Variants in LGR4 observed in about 807,000 individuals in gnomAD.
LGR4 encodes the protein leucine-rich repeat-containing G protein-coupled receptor 4.
In LGR4, 44 loss-of-function variants were observed where a neutral mutation model predicts 84.8. The observed-to-expected ratio is 0.52, with a 90% CI of 0.41 to 0.67. The LOEUF (loss-of-function observed/expected upper bound fraction) is 0.67. Ranked by LOEUF, LGR4 falls within the 30% of genes least tolerant of loss-of-function variation. The pLI is 0.00. For synonymous variants in LGR4, 429 were observed against 434.3 expected, an observed-to-expected ratio of 0.99 and a Z score of 0.15; for missense variants, 1,032 against 1,131.4, an observed-to-expected ratio of 0.91 and a Z score of 1.26.
At chr11:27,399,859 C>G (rs1845483230) in intron 2 of LGR4, among the ~76,000 whole-genome samples, 1 of 152,128 alleles carries the variant, frequency 6.6e-6, no homozygotes, top group South Asian at 2.1e-4. Flanking sequence ...TTCTTAAAGT[C>G]CTGAGCCATA....
At chr11:27,463,277 T>C (rs989322315) in intron 1 of LGR4, among the ~76,000 whole-genome samples, 18 of 151,588 alleles carry the variant, frequency 1.2e-4, no homozygotes, top group African/African-American at 4.1e-4. Flanking sequence ...GGGGAGTTGA[T>C]AGTAACATAA....
chr11:27,450,153 A>C (rs1244719732), intron 1 of LGR4, among the ~76,000 whole-genome samples: 1 of 152,234 alleles, frequency 6.6e-6, no homozygotes, highest in African/African-American at 2.4e-5. Flanking sequence ...AGCAAAATGA[A>C]GCTGTTAATA....
chr11:27,376,506 A>G lies in LGR4; in HGVS notation c.1110-136T>C, dbSNP rs187024619. ...GAAAAATAACATTATAACATTTCTT[A>G]GTTGAGTTTTTTCTAAATTTAAATA... On this transcript the variant is annotated intron_variant, in intron 12 of 17. Transcript: ENST00000379214. 2.2e-3 allele frequency: 1,056 copies of G among 481,964 alleles called. 3 individuals are homozygous for G. Among genetic ancestry groups the G allele is most frequent in the Non-Finnish European group, 3.3e-3 (889 of 270,972 alleles). 29.9% of individuals were successfully genotyped at this position (481,964 alleles called of 1,614,324 possible).
chr11:27,435,124 C>A (rs1864185668), intron 1 of LGR4, among the ~76,000 whole-genome samples: 1 of 152,018 alleles, frequency 6.6e-6, no homozygotes, highest in African/African-American at 2.4e-5. Flanking sequence ...CACTTGAGAT[C>A]AGGCGTTCGA....
At chr11:27,372,428 G>C (rs756171025) in intron 15 of LGR4, 30 bp from the exon 16 acceptor site, 1 of 1,174,314 alleles carries the variant, frequency 8.5e-7, no homozygotes, top group South Asian at 1.2e-5. Context: ...AATCTACACT[G>C]AACAGCAACT....
chr11:27,401,135 T>A (rs1863493929), intron 2 of LGR4, among the ~76,000 whole-genome samples: 1 of 152,222 alleles, frequency 6.6e-6, no homozygotes, highest in Non-Finnish European at 1.5e-5. Flanking sequence ...TTTCATTTGC[T>A]GAGAAGGGAG....
At chr11:27,407,245 T>A (rs1311519404) in intron 2 of LGR4, among the ~76,000 whole-genome samples, 1 of 152,138 alleles carries the variant, frequency 6.6e-6, no homozygotes, top group Non-Finnish European at 1.5e-5. Flanking sequence ...GGGCAGCTGA[T>A]CCCCTTTGAC....
chr11:27,408,711 G>A (rs1454074068), intron 2 of LGR4, among the ~76,000 whole-genome samples: 1 of 152,036 alleles, frequency 6.6e-6, no homozygotes, highest in Non-Finnish European at 1.5e-5. Context: ...ATTGTGAACA[G>A]AAACTCCAAC....
intron 1 of LGR4, among the ~76,000 whole-genome samples, chr11:27,436,933 G>GGATT (rs1864222230): frequency 6.6e-6 from 1 of 151,996 alleles, no homozygotes; most frequent in Admixed American, 6.6e-5. Context: ...GGAGATGGAG[G>GGATT]GATTTGAGGG....
intron 1 of LGR4, among the ~76,000 whole-genome samples, chr11:27,443,138 G>C (rs1448434779): frequency 6.6e-6 from 1 of 152,132 alleles, no homozygotes; most frequent in Non-Finnish European, 1.5e-5. Context: ...CTCAAAAATG[G>C]AAGGCCTAGA....
chr11:27,424,848 G>C (rs1404987364), intron 1 of LGR4, among the ~76,000 whole-genome samples: 1 of 152,110 alleles, frequency 6.6e-6, no homozygotes, highest in Non-Finnish European at 1.5e-5. Flanking sequence ...TCCCGGTTCA[G>C]GCAATTCTCC....
intron 4 of LGR4, among the ~76,000 whole-genome samples, chr11:27,389,686 A>G (rs1863245552): frequency 1.3e-5 from 2 of 152,170 alleles, no homozygotes; most frequent in South Asian, 2.1e-4. Context: ...GAAGTAAAAT[A>G]TATTCTTAAG....
At chr11:27,399,091 G>C (rs1283446933) in intron 2 of LGR4, among the ~76,000 whole-genome samples, 1 of 152,024 alleles carries the variant, frequency 6.6e-6, no homozygotes. Flanking sequence ...TGTATTTTCA[G>C]TAGAGACTGG....
At position 27,373,571 on chromosome 11, in the gene LGR4, T is replaced by C; in HGVS notation, c.1359A>G (p.Ala453=). 1 of 1,587,124 alleles carries C rather than the reference T, an allele frequency of 6.3e-7. No homozygotes were observed. The highest frequency in any genetic ancestry group is 2.3e-5 in the East Asian group (1 of 44,320). ...GNFKLKEALA[A]KDFVNLRSLS... is the part of the protein sequence containing the mutation. ...CACACCTGAGGTTAACAAAGTCTTTTGCTGCTAAGGCTTCTTTCAGCTTGA... is the reference window on the plus strand; with the variant it reads ...CACACCTGAGGTTAACAAAGTCTTTCGCTGCTAAGGCTTCTTTCAGCTTGA... Residue 453 remains alanine (A), a synonymous_variant, in exon 15 of 18, where the codon GCA becomes GCG. Coordinates refer to ENST00000379214, the MANE Select transcript of LGR4 (RefSeq NM_018490.5).
chr11:27,420,616 A>T (rs1001280440), intron 1 of LGR4, among the ~76,000 whole-genome samples: 11 of 152,042 alleles, frequency 7.2e-5, no homozygotes, highest in Non-Finnish European at 1.3e-4. Flanking sequence ...TTTTATATAA[A>T]ATATATATTA....
chr11:27,427,197 G>A (rs1018381775), intron 1 of LGR4, among the ~76,000 whole-genome samples: 1 of 152,140 alleles, frequency 6.6e-6, no homozygotes, highest in African/African-American at 2.4e-5. Flanking sequence ...ATGGTAGTAT[G>A]TTCAGTTTTA....
intron 1 of LGR4, among the ~76,000 whole-genome samples, chr11:27,463,789 A>C (rs1223433396): frequency 3.3e-5 from 5 of 152,228 alleles, no homozygotes; most frequent in African/African-American, 9.6e-5. Flanking sequence ...TCCATCTCAA[A>C]AAAACAAAAC....
intron 1 of LGR4, among the ~76,000 whole-genome samples, chr11:27,450,183 C>A (rs1031274462): frequency 6.6e-6 from 1 of 152,148 alleles, no homozygotes; most frequent in African/African-American, 2.4e-5. Flanking sequence ...ACGGAAGGGA[C>A]AGAATTTTGA....
intron 2 of LGR4, among the ~76,000 whole-genome samples, chr11:27,404,624 G>A (rs1045273728): frequency 6.6e-6 from 1 of 152,056 alleles, no homozygotes; most frequent in Non-Finnish European, 1.5e-5. Context: ...CTATTAGGAT[G>A]AGTCCAAAAC....
Sources: gnomAD v4.1 joint callset for allele counts (sites outside exome capture counted in the v4.1 genomes callset) on GRCh38, gnomAD v4.1.1 for gene constraint, MANE v1.5 for transcripts, NCBI Gene and HGNC (gene_info 2026-07-23, HGNC 2026-07-21) for gene names.